Variants in MFSD1 observed in about 807,000 individuals in gnomAD.
MFSD1 encodes major facilitator superfamily domain containing 1.
MFSD1 carries 59 observed loss-of-function variants against 67.1 expected under a neutral mutation model. That is an observed-to-expected ratio of 0.88 (90% CI 0.71 to 1.09). MFSD1 has a LOEUF of 1.09. Ranked by LOEUF, MFSD1 falls within the 50% of genes least tolerant of loss-of-function variation. The pLI is 0.00. For missense variants in MFSD1, 552 were observed against 566.1 expected (o/e 0.97, Z 0.25); for synonymous variants, 213 against 200.3 (o/e 1.06, Z -0.54).
At chr3:158,827,154 G>T in intron 14 of MFSD1, 126 bp from the exon 15 acceptor site, 1 of 567,308 alleles carries the variant, frequency 1.8e-6, no homozygotes, top group Non-Finnish European at 3.0e-6. Context: ...TTTCATCGTC[G>T]ATAGCTTTTT....
At chr3:158,828,433 C>A (rs1005895659) in intron 15 of MFSD1, among the ~76,000 whole-genome samples, 1 of 151,784 alleles carries the variant, frequency 6.6e-6, no homozygotes, top group African/African-American at 2.4e-5. Context: ...TTAAAATAAT[C>A]AGAAGTATGA....
intron 7 of MFSD1, among the ~76,000 whole-genome samples, chr3:158,818,145 T>G (rs951415100): frequency 6.6e-6 from 1 of 152,154 alleles, no homozygotes. Flanking sequence ...TGCAGGGCTG[T>G]AGAGAGACCT....
At chr3:158,807,334 G>C in intron 4 of MFSD1, 62 bp from the exon 5 acceptor site, 1 of 1,295,376 alleles carries the variant, frequency 7.7e-7, no homozygotes, top group Non-Finnish European at 1.1e-6. Flanking sequence ...TGTTCCTTTT[G>C]CTTCTCTTTA....
chr3:158,804,686 C>T (rs754902845), intron 2 of MFSD1, among the ~76,000 whole-genome samples: 11 of 152,110 alleles, frequency 7.2e-5, no homozygotes, highest in East Asian at 1.9e-4. Context: ...CTTAGTCACC[C>T]GAATGACAAA....
At chr3:158,820,569 A>C (rs1035108849) in intron 9 of MFSD1, among the ~76,000 whole-genome samples, 1 of 152,196 alleles carries the variant, frequency 6.6e-6, no homozygotes, top group Non-Finnish European at 1.5e-5. Flanking sequence ...GCTAATAAAA[A>C]ACTGCCCCAG....
rs943392631 is a variant in MFSD1, at chr3:158,802,306, C to T, written c.154C>T (p.Leu52Phe). Reference protein sequence around the residue: ...RLLVLLLMCFLGFGSYFCYDN... With the variant: ...RLLVLLLMCFFGFGSYFCYDN... ...TTTGGTGCTGTTACTGATGTGCTTC[C>T]TTGGCTTTGGTGAGCCGGCCGGGTG... Residue 52 changes from leucine to phenylalanine, a missense_variant, in exon 1 of 16, where the codon CTT becomes TTT. Leu to Phe is a conservative substitution (Grantham distance 22). Coordinates refer to ENST00000415822, the MANE Select transcript of MFSD1 (RefSeq NM_022736.4). 1.9e-6 allele frequency: 3 copies of T among 1,609,376 alleles called. No homozygotes were observed. The African/African-American group carries it at 4.0e-5, about 22-fold the overall frequency.
chr3:158,807,755 C>G (rs1293706645), intron 5 of MFSD1, among the ~76,000 whole-genome samples: 1 of 152,164 alleles, frequency 6.6e-6, no homozygotes, highest in African/African-American at 2.4e-5. Flanking sequence ...ATGATTTGAA[C>G]CACATTTAGA....
chr3:158,817,108 A>T (rs897309733), intron 7 of MFSD1, among the ~76,000 whole-genome samples: 4 of 152,186 alleles, frequency 2.6e-5, no homozygotes, highest in African/African-American at 4.8e-5. Flanking sequence ...TCAAAATAAT[A>T]AGAGCTATCT....
At chr3:158,821,776 T>C in intron 10 of MFSD1, 123 bp downstream of exon 10, 1 of 982,992 alleles carries the variant, frequency 1.0e-6, no homozygotes, top group Non-Finnish European at 1.5e-6. Flanking sequence ...AAACTGGGAC[T>C]ACATTGGGAC....
chr3:158,824,171 C>G lies in MFSD1; in HGVS notation c.1223C>G (p.Ala408Gly). The G allele has an allele frequency of 6.2e-7, 1 of 1,611,472 alleles. No individual in the cohort carries two copies. Residue 408 changes from alanine (A) to glycine (G), a missense_variant, in exon 13 of 16, where the codon GCT (alanine) becomes GGT (glycine). Physicochemically the swap from Ala to Gly is moderately conservative, Grantham distance 60. Transcript: ENST00000415822. ...GGGTTGGCCATCATTTCCATCATTGCTGGTATGATACTGGATTCTCGGGGG... is the reference window on the plus strand; with the variant it reads ...GGGTTGGCCATCATTTCCATCATTGGTGGTATGATACTGGATTCTCGGGGG... Reference protein sequence around the residue: ...NLGLAIISIIAGMILDSRGYL... With the variant: ...NLGLAIISIIGGMILDSRGYL...
In MFSD1 at chr3:158,827,331, A is replaced by G; in HGVS notation, c.1388A>G (p.His463Arg). 1 of 1,537,008 alleles carries G rather than the reference A, an allele frequency of 6.5e-7. No individual in the cohort carries two copies. Among genetic ancestry groups the G allele is most frequent in the South Asian group, 1.2e-5 (1 of 80,514 alleles). Reference sequence around the variant, plus strand: ...CAAAGGGAAGAAATAAAATTTTCCCATACTGAGTAAGTATTAAAAGGGTAA... The same window carrying G: ...CAAAGGGAAGAAATAAAATTTTCCCGTACTGAGTAAGTATTAAAAGGGTAA... ...ARQREEIKFSHTE is the reference protein window; with the variant it reads ...ARQREEIKFSRTE Residue 463 changes from histidine to arginine, a missense_variant, in exon 15 of 16, where the codon CAT (histidine) becomes CGT (arginine). Physicochemically the swap from His to Arg is conservative, Grantham distance 29. Transcript: ENST00000415822.
At chr3:158,821,801 G>A in intron 10 of MFSD1, 148 bp downstream of exon 10, 1 of 944,210 alleles carries the variant, frequency 1.1e-6, no homozygotes. Flanking sequence ...ATCCTGAGTG[G>A]CTGTGTTTAA....
At chr3:158,812,986 C>T (rs372580663) in intron 6 of MFSD1, among the ~76,000 whole-genome samples, 22 of 152,188 alleles carry the variant, frequency 1.4e-4, no homozygotes, top group South Asian at 2.1e-4. Context: ...CAAGTTTATA[C>T]GCCAAAGTTG....
chr3:158,818,755 T>G (rs1448412507), intron 7 of MFSD1, among the ~76,000 whole-genome samples: 1 of 152,186 alleles, frequency 6.6e-6, no homozygotes, highest in African/African-American at 2.4e-5. Context: ...TTGCCTTACT[T>G]AAAACCTCCT....
chr3:158,824,692 AT>A (rs898247215), intron 13 of MFSD1, among the ~76,000 whole-genome samples: 3 of 152,198 alleles, frequency 2.0e-5, no homozygotes, highest in Non-Finnish European at 4.4e-5. Flanking sequence ...ATATATAAAA[AT>A]AATAGCATTT....
At position 158,802,254 on chromosome 3, in the gene MFSD1, C is replaced by G; in HGVS notation, c.102C>G (p.Cys34Trp). ...PAAPGALPAL[C>W]DPSRLAHRLL... The stretch of plus-strand genomic sequence containing the variant: ...CCCCTGGAGCCCTGCCGGCCCTCTG[C>G]GACCCCAGTCGCCTGGCGCACCGGC... The change falls in exon 1 of 16, where the codon TGC becomes TGG. Residue 34 changes from cysteine (C) to tryptophan (W), a missense_variant. Coordinates refer to ENST00000415822, the MANE Select transcript of MFSD1 (RefSeq NM_022736.4). 6.2e-7 allele frequency: 1 copy of G among 1,611,396 alleles called. No homozygotes were observed. Among genetic ancestry groups the G allele is most frequent in the African/African-American group, 1.3e-5 (1 of 74,928 alleles).
chr3:158,826,335 T>C (rs1234568475), intron 14 of MFSD1, among the ~76,000 whole-genome samples: 1 of 152,108 alleles, frequency 6.6e-6, no homozygotes, highest in Non-Finnish European at 1.5e-5. Flanking sequence ...TAAAGAAATA[T>C]AGCATTTAAA....
Position 158,809,287 on chromosome 3 carries a change from T to C in MFSD1, c.549T>C (p.Ile183=). Residue 183 remains isoleucine (I), a splice_region_variant and synonymous_variant, in exon 6 of 16, where the codon ATT becomes ATC. Coordinates refer to ENST00000415822, the MANE Select transcript of MFSD1 (RefSeq NM_022736.4). ...VFGLQLSMAR[I]GSTVNMNLMG... is the part of the protein sequence containing the mutation. ...GACTTCAACTTAGCATGGCTAGAAT[T>C]GTAAGTATAATGAAAAGCCTGATGA... The C allele has an allele frequency of 3.8e-6, 6 of 1,586,464 alleles. No homozygotes were observed. Among genetic ancestry groups the C allele is most frequent in the Non-Finnish European group, 5.1e-6 (6 of 1,168,282 alleles).
intron 13 of MFSD1, 178 bp downstream of exon 13, chr3:158,824,414 T>C (rs1169391222): frequency 1.4e-5 from 8 of 584,396 alleles, no homozygotes; most frequent in Non-Finnish European, 6.1e-6. Context: ...TTCCTATCCT[T>C]AAAGGCAGTG....
Sources: gnomAD v4.1 joint callset for allele counts (sites outside exome capture counted in the v4.1 genomes callset) on GRCh38, gnomAD v4.1.1 for gene constraint, MANE v1.5 for transcripts, NCBI Gene and HGNC (gene_info 2026-07-23, HGNC 2026-07-21) for gene names.